PACS2: variants seen among roughly 807,000 people sequenced by gnomAD.
The protein encoded by PACS2 is PACS1-like protein.
Under a neutral mutation model 113.0 loss-of-function variants are expected in PACS2, and 36 were observed. The ratio of observed to expected loss-of-function variants is 0.32; its 90% confidence interval spans 0.24 to 0.42. The LOEUF (loss-of-function observed/expected upper bound fraction) is 0.42, where lower values mean the gene tolerates loss of function less well. Among genes scored for constraint, PACS2 ranks in the 10% least tolerant of loss-of-function variants. The pLI, the probability that PACS2 is intolerant of heterozygous loss-of-function variation, is 1.00. For missense variants in PACS2, 1,015 were observed against 1,239.5 expected, an observed-to-expected ratio of 0.82 and a Z score of 2.72; for synonymous variants, 589 against 536.1, an observed-to-expected ratio of 1.10 and a Z score of -1.36.
At chr14:105,320,166 C>T (rs1378464396) in intron 1 of PACS2, among the ~76,000 whole-genome samples, 4 of 151,776 alleles carry the variant, frequency 2.6e-5, no homozygotes, top group Admixed American at 1.3e-4. Flanking sequence ...TTAGTAGAGA[C>T]GGGGTTTCAC....
chr14:105,314,635 C>G (rs1031820742), upstream of PACS2: 1 of 143,482 alleles, frequency 7.0e-6, no homozygotes, highest in African/African-American at 2.5e-5. Flanking sequence ...GCTGGCGCCC[C>G]GCCCAGCCAA....
chr14:105,356,528 C>T lies in PACS2; in HGVS notation c.423+1351C>T, dbSNP rs1555405329. Among the ~76,000 whole-genome samples the T allele has an allele frequency of 6.6e-6, 1 of 152,146 alleles. No homozygotes were observed. The highest frequency in any genetic ancestry group is 2.4e-5 in the African/African-American group (1 of 41,430). On this transcript the variant is annotated intron_variant, in intron 4 of 24. Coordinates refer to ENST00000447393, the MANE Select transcript of PACS2 (RefSeq NM_001100913.3). The surrounding 1 kb of genome is among the most constrained non-coding windows in gnomAD (Gnocchi z 4.0). The stretch of plus-strand genomic sequence containing the variant: ...CCCAGCCTCCCTCCTGCAGGCTGAG[C>T]GATGGGTGAACAGGTAGCTCAGGGA...
chr14:105,313,631 C>G (rs112243624), upstream of PACS2, among the ~76,000 whole-genome samples: 2,761 of 152,350 alleles, frequency 0.018, 84 homozygotes, highest in African/African-American at 0.061. Flanking sequence ...ACTGGGGTGG[C>G]AAGCCCCGTG....
At position 105,365,107 on chromosome 14, in the gene PACS2, CTCCAG is replaced by C. The variant is rs1330018196; in HGVS notation, c.424-2105_424-2101del. 8.5e-5 allele frequency among the ~76,000 whole-genome samples: 13 copies of C among 152,354 alleles called. No homozygotes were observed. The East Asian group carries it at 2.5e-3, about 29-fold the overall frequency. Reference sequence around the variant, plus strand: ...GGGGCCACCCTCCCTGGTGAGGCAGCTCCAGCCCTTTGCTGAGGATTGCAGAGCAT... The same window carrying C: ...GGGGCCACCCTCCCTGGTGAGGCAGCCCCTTTGCTGAGGATTGCAGAGCAT... On this transcript the variant is annotated intron_variant, in intron 4 of 24. Transcript: ENST00000447393. The surrounding 1 kb of genome is among the most constrained non-coding windows in gnomAD (Gnocchi z 5.1).
At chr14:105,344,825 C>T (rs1185144422) in intron 1 of PACS2, among the ~76,000 whole-genome samples, 2 of 152,136 alleles carry the variant, frequency 1.3e-5, no homozygotes, top group Non-Finnish European at 2.9e-5. Context: ...TAAGATGGAA[C>T]CTTAGGGCTG....
Position 105,348,718 on chromosome 14 carries a change from G to C in PACS2, c.207+138G>C. 1.5e-6 allele frequency: 1 copy of C among 687,260 alleles called. No individual in the cohort carries two copies. Among genetic ancestry groups the C allele is most frequent in the Non-Finnish European group, 2.6e-6 (1 of 386,110 alleles). The allele number at this position is 687,260 out of a possible 1,614,324, so 42.6% of individuals were successfully genotyped here. A position where few individuals can be genotyped will look rare whatever the true frequency, so the allele number is the denominator to read the frequency against. On this transcript the variant is annotated intron_variant, in intron 2 of 24. Coordinates refer to ENST00000447393, the MANE Select transcript of PACS2 (RefSeq NM_001100913.3). The surrounding 1 kb of genome is among the most constrained non-coding windows in gnomAD (Gnocchi z 6.4). ...AGCCCATGCCATCTCCGGGAGCCCG[G>C]GGGGCTGGGAATGACAGGATGCTCC...
intron 22 of PACS2, 77 bp downstream of exon 22, chr14:105,391,843 A>G: frequency 7.2e-6 from 10 of 1,383,650 alleles, no homozygotes; most frequent in Non-Finnish European, 9.8e-6. Flanking sequence ...ATCCTCCCCT[A>G]TGTCACATCC....
At chr14:105,327,313 G>T (rs1480729854) in intron 1 of PACS2, among the ~76,000 whole-genome samples, 1 of 152,198 alleles carries the variant, frequency 6.6e-6, no homozygotes, top group Non-Finnish European at 1.5e-5. Flanking sequence ...GGATGTGCGC[G>T]GCCAGGTCAG....
At chr14:105,314,502 G>C (rs1425518542), upstream of PACS2, 2 of 148,384 alleles carry the variant, frequency 1.3e-5, no homozygotes, top group Admixed American at 6.7e-5. Context: ...GCGCAGGCGC[G>C]TGAGTGCGCG....
At position 105,394,683 on chromosome 14, in the gene PACS2, C is replaced by A. The variant is rs1566975864; in HGVS notation, c.*11C>A. The A allele has an allele frequency of 6.4e-7, 1 of 1,553,608 alleles. No homozygotes were observed. The highest frequency in any genetic ancestry group is 8.9e-7 in the Non-Finnish European group (1 of 1,125,384). On this transcript the variant is annotated 3_prime_UTR_variant, in exon 25 of 25. Transcript: ENST00000447393. ...AAGGCCACCTTCTAGCCCCACCCAC[C>A]AGGGGGCCCACCTCCTGCCCCATGC...
rs113346298 is a variant in PACS2 at position 105,323,803 on chromosome 14, G to A, written c.119+8766G>A. Among the ~76,000 whole-genome samples the A allele has an allele frequency of 5.3e-5, 8 of 152,340 alleles. No individual in the cohort carries two copies. The highest frequency in any genetic ancestry group is 1.9e-4 in the African/African-American group (8 of 41,584). ...CTGAGGAAGCTGACCTGGGCAGCCAGTGGCCTGTAGGCTGGGCAGCACTCG... is the reference window on the plus strand; with the variant it reads ...CTGAGGAAGCTGACCTGGGCAGCCAATGGCCTGTAGGCTGGGCAGCACTCG... On this transcript the variant is annotated intron_variant, in intron 1 of 24. Transcript: ENST00000447393. This position sits in a 1 kb window ranked among gnomAD's most constrained non-coding sequence, Gnocchi z 4.1.
At chr14:105,382,738 G>A in intron 14 of PACS2, 69 bp from the exon 15 acceptor site, 2 of 1,049,228 alleles carry the variant, frequency 1.9e-6, no homozygotes, top group Non-Finnish European at 2.9e-6. Context: ...GAGAGCTTTG[G>A]TGAGGGTCAG....
In PACS2 at chr14:105,315,158, G is replaced by A; in HGVS notation, c.119+121G>A. ...CAGCGGAGCCCAGGTCGCCCCCCGC[G>A]CCCCCGCCCGCCGGTTCGACGCGTG... On this transcript the variant is annotated intron_variant, in intron 1 of 24. Transcript: ENST00000447393. The surrounding 1 kb of genome is among the most constrained non-coding windows in gnomAD (Gnocchi z 4.4). 2.0e-5 allele frequency: 10 copies of A among 505,576 alleles called. No individual in the cohort carries two copies. Among genetic ancestry groups the A allele is most frequent in the Non-Finnish European group, 2.6e-5 (10 of 383,752 alleles). 31.3% of individuals were successfully genotyped at this position (505,576 alleles called of 1,614,324 possible).
intron 1 of PACS2, among the ~76,000 whole-genome samples, chr14:105,336,875 G>T (rs1400446572): frequency 1.3e-5 from 2 of 152,198 alleles, no homozygotes; most frequent in African/African-American, 4.8e-5. Flanking sequence ...GCTAGCAGTT[G>T]CACTTCTCAG....
Position 105,365,336 on chromosome 14 carries a change from C to G in PACS2, c.424-1877C>G, listed in dbSNP as rs187899563. On this transcript the variant is annotated intron_variant, in intron 4 of 24. Transcript: ENST00000447393. This position sits in a 1 kb window ranked among gnomAD's most constrained non-coding sequence, Gnocchi z 5.1. ...TGTCAGGAGGAGAGGAACATGCAGC[C>G]TGGAGTGTCGGGGCCTGGGACTTCC... Among the ~76,000 whole-genome samples the G allele has an allele frequency of 9.9e-4, 151 of 152,318 alleles. 1 individual carries two copies. Among genetic ancestry groups the G allele is most frequent in the Admixed American group, 2.2e-3 (33 of 15,304 alleles).
In PACS2 at chr14:105,354,578, G is replaced by A. The variant is rs587774639; in HGVS notation, c.298-474G>A. ...CAGCTTGCTGGAGCCCTGCTGGACA[G>A]GGAGCCTGTGGTGAGACGTGCAGGC... On this transcript the variant is annotated intron_variant, in intron 3 of 24. Transcript: ENST00000447393. The surrounding 1 kb of genome is among the most constrained non-coding windows in gnomAD (Gnocchi z 4.2). Among the ~76,000 whole-genome samples, 15 of 152,350 alleles carry A rather than the reference G, an allele frequency of 9.8e-5. No individual in the cohort carries two copies. The highest frequency in any genetic ancestry group is 9.8e-4 in the Admixed American group (15 of 15,302).
Position 105,360,761 on chromosome 14 carries a change from A to G in PACS2, c.423+5584A>G, listed in dbSNP as rs587746909. Among the ~76,000 whole-genome samples, 9 of 152,250 alleles carry G rather than the reference A, an allele frequency of 5.9e-5. No individual in the cohort carries two copies. In the South Asian group the frequency reaches 1.9e-3, roughly 32 times the overall value. ...TTTTCGCAGAATAGTTCCCTGTCGC[A>G]TGCGGTGCTGTTTGGTACCATGTTA... is the stretch of plus-strand genomic sequence containing the variant. On this transcript the variant is annotated intron_variant, in intron 4 of 24. Coordinates refer to ENST00000447393, the MANE Select transcript of PACS2 (RefSeq NM_001100913.3).
rs782514056 is a variant in PACS2 at position 105,367,273 on chromosome 14, G to A, written c.484G>A (p.Ala162Thr). 1.2e-5 allele frequency: 20 copies of A among 1,613,064 alleles called. No individual in the cohort carries two copies. The highest frequency in any genetic ancestry group is 8.9e-5 in the East Asian group (4 of 44,892). The part of the protein sequence containing the change: ...VLSLCSSIKE[A>T]PVKAAEIWIA... ...GAGCCTCTGCAGCAGCATCAAGGAG[G>A]CCCCCGTCAAGGCGGCCGAGATCTG... The change falls in exon 5 of 25, where the codon GCC (alanine) becomes ACC (threonine). Residue 162 changes from alanine (A) to threonine (T), a missense_variant. By Grantham distance (58) the Ala-to-Thr change is moderately conservative (BLOSUM62 0). This residue lies in a region of PACS2 where 859 missense variants were observed against 1,056.8 expected (regional missense o/e 0.81). Transcript: ENST00000447393.
At position 105,314,963 on chromosome 14, in the gene PACS2, G is replaced by C. The variant is rs891116850; in HGVS notation, c.45G>C (p.Ala15=). The C allele has an allele frequency of 5.8e-6, 7 of 1,202,278 alleles. No individual in the cohort carries two copies. Among genetic ancestry groups the C allele is most frequent in the Non-Finnish European group, 7.4e-6 (7 of 948,182 alleles). The allele number at this position is 1,202,278 out of a possible 1,614,324, so 74.5% of individuals were successfully genotyped here. Residue 15 remains alanine (A), a synonymous_variant, in exon 1 of 25, where the codon GCG becomes GCC. Transcript: ENST00000447393. The stretch of plus-strand genomic sequence containing the variant: ...TCGGCCTCCCCGGCGCGCCCGGCGC[G>C]CTCAACACGCCCGTGCCCATGAACC... ...GRLGLPGAPG[A]LNTPVPMNLF...
Sources: allele counts gnomAD v4.1 joint callset (sites outside exome capture counted in the v4.1 genomes callset), GRCh38; gene constraint gnomAD v4.1.1; regional missense constraint gnomAD v4.1.1; non-coding constraint Gnocchi (gnomAD v3.1); transcripts MANE v1.5; gene names NCBI Gene and HGNC (gene_info 2026-07-23, HGNC 2026-07-21).